CANX: variants seen among roughly 807,000 people sequenced by gnomAD.
CANX encodes epididymis secretory sperm binding protein.
A neutral mutation model predicts 75.7 loss-of-function variants in CANX; 14 were observed. The ratio of observed to expected loss-of-function variants is 0.19; its 90% CI spans 0.12 to 0.29. The LOEUF (loss-of-function observed/expected upper bound fraction) is 0.29. CANX is among the 10% of genes least tolerant of loss of function. CANX has a pLI of 1.00. For synonymous variants in CANX, 227 were observed against 236.9 expected (o/e 0.96, Z 0.38); for missense variants, 567 against 713.2 (o/e 0.79, Z 2.34).
In CANX at chr5:179,679,170, T is replaced by A. The variant is rs1189581797; in HGVS notation, c.-4+393T>A. 13 of 1,535,102 alleles carry A rather than the reference T, an allele frequency of 8.5e-6. No homozygotes were observed. The African/African-American group carries it at 1.8e-4, about 21-fold the overall frequency. ...TGGACCTTGTAGGGCACGCAGGTGC[T>A]CGAAGGGGAGCCTCGGGAGCGCTGG... On this transcript the variant is annotated intron_variant, in intron 1 of 14. Coordinates refer to the CANX transcript ENST00000681674.
rs1204469407 is a variant in CANX at position 179,731,462 on chromosome 5, ATTTG to A, written c.*2823_*2826del. ...AGAAATAGTTTAGTTCTGGTGTAAA[ATTTG>A]TTTGAATGCTAAAAAAAAAAAAGCA... On this transcript the variant is annotated 3_prime_UTR_variant, in exon 15 of 15. Transcript: ENST00000247461. Among the ~76,000 whole-genome samples the A allele has an allele frequency of 2.6e-5, 4 of 151,222 alleles. No homozygotes were observed. Among genetic ancestry groups the A allele is most frequent in the Non-Finnish European group, 4.4e-5 (3 of 67,848 alleles).
chr5:179,715,917 A>G (rs1201909249), intron 7 of CANX, 188 bp from the exon 8 acceptor site: 2 of 684,690 alleles, frequency 2.9e-6, no homozygotes, highest in Admixed American at 2.1e-5. Flanking sequence ...GGGACTAATC[A>G]TTTATGTTTC....
At chr5:179,683,322 A>AC (rs1299847780) in intron 1 of CANX, among the ~76,000 whole-genome samples, 51 of 151,076 alleles carry the variant, frequency 3.4e-4, no homozygotes, top group Non-Finnish European at 5.0e-4. Context: ...TTTAGTAGAG[A>AC]TGGGGTTTCA....
intron 7 of CANX, among the ~76,000 whole-genome samples, chr5:179,712,975 G>A (rs1777683157): frequency 6.6e-6 from 1 of 150,852 alleles, no homozygotes; most frequent in East Asian, 1.9e-4. Flanking sequence ...CACCATGTTG[G>A]CCAGGCTGGT....
At chr5:179,694,247 C>A, upstream of CANX, 2 of 387,642 alleles carry the variant, frequency 5.2e-6, no homozygotes, top group Non-Finnish European at 4.8e-6. Flanking sequence ...CTGCTTATGT[C>A]TTCTTTGTGC....
intron 1 of CANX, among the ~76,000 whole-genome samples, chr5:179,692,002 G>T (rs1485453988): frequency 1.3e-5 from 2 of 150,146 alleles, no homozygotes; most frequent in Non-Finnish European, 2.9e-5. Flanking sequence ...GGACAGTCTC[G>T]ATCTCCTGAC....
chr5:179,714,155 T>A (rs565714104), intron 7 of CANX, among the ~76,000 whole-genome samples: 2 of 151,856 alleles, frequency 1.3e-5, no homozygotes, highest in Admixed American at 6.6e-5. Context: ...TGCGCCACCA[T>A]GCCCGGCCAA....
In CANX at chr5:179,723,794, T is replaced by C. The variant is rs1371130885; in HGVS notation, c.1518+15T>C. 2 of 1,586,536 alleles carry C rather than the reference T, an allele frequency of 1.3e-6. No individual in the cohort carries two copies. Among genetic ancestry groups the C allele is most frequent in the Admixed American group, 3.9e-5 (2 of 51,856 alleles). ...GTTCTGGAAAGGTAGGAAGTTTTTTTTTTTAGAATCAATTTTAGAGACATC... is the reference window on the plus strand; with the variant it reads ...GTTCTGGAAAGGTAGGAAGTTTTTTCTTTTAGAATCAATTTTAGAGACATC... On this transcript the variant is annotated intron_variant, in intron 12 of 14. Transcript: ENST00000247461.
At chr5:179,725,944 C>T (rs1311686223) in intron 13 of CANX, among the ~76,000 whole-genome samples, 2 of 140,814 alleles carry the variant, frequency 1.4e-5, no homozygotes, top group African/African-American at 5.3e-5. Context: ...GCCGAGATTG[C>T]GCCACTGCAC....
chr5:179,695,232 G>T (rs1007137639), upstream of CANX, among the ~76,000 whole-genome samples: 2 of 151,614 alleles, frequency 1.3e-5, no homozygotes, highest in South Asian at 2.1e-4. Flanking sequence ...TGTGTGTGTG[G>T]TTTTTTTTAG....
At chr5:179,698,957 C>T (rs1776526902), upstream of CANX, 1 of 1,118,688 alleles carries the variant, frequency 8.9e-7, no homozygotes, top group Admixed American at 5.1e-5. Context: ...GTGGGGCTCG[C>T]TCGCGCGGCA....
At chr5:179,703,793 C>G (rs536737719) in intron 1 of CANX, among the ~76,000 whole-genome samples, 3 of 152,132 alleles carry the variant, frequency 2.0e-5, no homozygotes, top group African/African-American at 7.2e-5. Context: ...AGCTAAAAGA[C>G]TTAGAAATTT....
chr5:179,726,612 G>A (rs540603046), intron 13 of CANX, 68 bp from the exon 14 acceptor site: 2 of 1,008,610 alleles, frequency 2.0e-6, no homozygotes, highest in East Asian at 2.5e-5. Context: ...CTAGAGATGT[G>A]TTCTAATGCT....
At chr5:179,718,119 G>A (rs1778077996) in intron 8 of CANX, among the ~76,000 whole-genome samples, 2 of 152,244 alleles carry the variant, frequency 1.3e-5, no homozygotes, top group East Asian at 1.9e-4. Context: ...ATCCTCTCCC[G>A]CCTTAGCTTC....
chr5:179,697,628 G>A (rs186991414), upstream of CANX, among the ~76,000 whole-genome samples: 35 of 152,284 alleles, frequency 2.3e-4, no homozygotes, highest in Non-Finnish European at 4.4e-4. Flanking sequence ...GGCTGAAGTT[G>A]GGGCGCCGTG....
At chr5:179,696,267 C>CTTTTTTTTTTTT (rs34048949), upstream of CANX, among the ~76,000 whole-genome samples, 1 of 56,732 alleles carries the variant, frequency 1.8e-5, no homozygotes, top group Non-Finnish European at 3.0e-5. Flanking sequence ...AGTGTCATTT[C>CTTTTTTTTTTTT]TTTTTTTTTT....
At chr5:179,728,050 C>G (rs150863965) in intron 14 of CANX, among the ~76,000 whole-genome samples, 4 of 152,180 alleles carry the variant, frequency 2.6e-5, no homozygotes, top group African/African-American at 9.7e-5. Context: ...TCTGTCTTAA[C>G]TAGAATGCAA....
rs952887955 is a variant in CANX at position 179,716,083 on chromosome 5, T to C, written c.722-22T>C. On this transcript the variant is annotated intron_variant, in intron 7 of 14. Transcript: ENST00000247461. The stretch of plus-strand genomic sequence containing the variant: ...AGCTTGGAAAATTAAGTACTTTTAA[T>C]TCCATTTAATGTTTCTTTCAGTCTT... 2.0e-6 allele frequency: 3 copies of C among 1,532,836 alleles called. No homozygotes were observed. In the African/African-American group the frequency reaches 4.1e-5, roughly 21 times the overall value. The allele number at this position is 1,532,836 out of a possible 1,614,324, so 95.0% of individuals were successfully genotyped here.
At position 179,728,612 on chromosome 5, in the gene CANX, T is replaced by C; in HGVS notation, c.1747T>C (p.Ser583Pro). 6.2e-7 allele frequency: 1 copy of C among 1,605,724 alleles called. No individual in the cohort carries two copies. Among genetic ancestry groups the C allele is most frequent in the Non-Finnish European group, 8.5e-7 (1 of 1,172,480 alleles). The change falls in exon 15 of 15, where the codon TCA becomes CCA. Residue 583 changes from serine to proline, a missense_variant. Ser to Pro is a moderately conservative substitution (Grantham distance 74). Transcript: ENST00000247461. ...KAEEDEILNR[S>P]PRNRKPRRE is the part of the protein sequence containing the mutation. ...ATAGGAGGATGAAATTTTGAACAGA[T>C]CACCAAGAAACAGAAAGCCACGAAG...
Sources: allele counts gnomAD v4.1 joint callset (sites outside exome capture counted in the v4.1 genomes callset), GRCh38; gene constraint gnomAD v4.1.1; transcripts MANE v1.5; gene names NCBI Gene and HGNC (gene_info 2026-07-23, HGNC 2026-07-21).